KLF12: variants seen among roughly 807,000 people sequenced by gnomAD.
The protein encoded by KLF12 is Krueppel-like factor 12.
KLF12 carries 9 observed loss-of-function variants against 37.8 expected under a neutral mutation model. The observed-to-expected ratio is 0.24, with a 90% CI of 0.14 to 0.42. The LOEUF is 0.42. Ranked by LOEUF, KLF12 falls within the 10% of genes least tolerant of loss-of-function variation. The pLI is 1.00. For synonymous variants in KLF12, 208 were observed against 202.1 expected (o/e 1.03, Z -0.25); for missense variants, 411 against 516.0 (o/e 0.80, Z 1.97).
the KLF12 span, among the ~76,000 whole-genome samples, chr13:74,297,122 T>G: frequency 6.6e-6 from 1 of 152,166 alleles, no homozygotes; most frequent in Non-Finnish European, 1.5e-5. Flanking sequence ...AACTTAGACA[T>G]AGACATTCAG....
chr13:73,952,113 A>C (rs1890668471), intron 2 of KLF12, among the ~76,000 whole-genome samples: 1 of 152,226 alleles, frequency 6.6e-6, no homozygotes, highest in South Asian at 2.1e-4. Flanking sequence ...GCTAAAACAT[A>C]ATGTTCATTG....
At chr13:73,960,829 T>C (rs1390627125) in intron 2 of KLF12, among the ~76,000 whole-genome samples, 1 of 152,192 alleles carries the variant, frequency 6.6e-6, no homozygotes, top group African/African-American at 2.4e-5. Flanking sequence ...GATATGTTTT[T>C]TATGTTCTAG....
the KLF12 span, among the ~76,000 whole-genome samples, chr13:74,291,047 G>A: frequency 1.3e-5 from 2 of 152,186 alleles, no homozygotes; most frequent in Non-Finnish European, 2.9e-5. Context: ...CCAGTGAGCA[G>A]AGCTTTCTTA....
intron 3 of KLF12, among the ~76,000 whole-genome samples, chr13:73,911,784 A>G (rs1214073944): frequency 1.2e-4 from 18 of 152,358 alleles, no homozygotes; most frequent in Admixed American, 2.6e-4. Flanking sequence ...TTCTTTATGT[A>G]CTGAATTATG....
chr13:74,294,969 C>G, the KLF12 span, among the ~76,000 whole-genome samples: 1 of 152,180 alleles, frequency 6.6e-6, no homozygotes, highest in African/African-American at 2.4e-5. Flanking sequence ...CCTGCTGGCT[C>G]CCCTTGCTTA....
intron 1 of KLF12, among the ~76,000 whole-genome samples, chr13:74,018,732 A>C (rs1173692319): frequency 6.6e-6 from 1 of 152,132 alleles, no homozygotes; most frequent in African/African-American, 2.4e-5. Flanking sequence ...TATACAAAAT[A>C]AATCTATATA....
intron 6 of KLF12, among the ~76,000 whole-genome samples, chr13:73,725,889 A>C (rs1013290651): frequency 2.0e-5 from 3 of 146,552 alleles, no homozygotes; most frequent in African/African-American, 7.5e-5. Flanking sequence ...ATTTTTTGAG[A>C]TGGAGTTTCA....
chr13:74,295,012 C>T, the KLF12 span, among the ~76,000 whole-genome samples: 3 of 152,170 alleles, frequency 2.0e-5, no homozygotes, highest in Non-Finnish European at 4.4e-5. Context: ...TGTCCCCTGA[C>T]AAAATTGGGC....
the KLF12 span, among the ~76,000 whole-genome samples, chr13:74,241,682 C>T: frequency 1.3e-5 from 2 of 152,076 alleles, no homozygotes; most frequent in African/African-American, 4.8e-5. Context: ...GTCGGAAAAG[C>T]GCAGTATTCG....
intron 3 of KLF12, among the ~76,000 whole-genome samples, chr13:73,851,655 G>A (rs1413615537): frequency 6.6e-6 from 1 of 152,096 alleles, no homozygotes; most frequent in Non-Finnish European, 1.5e-5. Context: ...CTTATTATGA[G>A]ACAATACAGG....
chr13:74,188,573 T>C, the KLF12 span, among the ~76,000 whole-genome samples: 2 of 152,196 alleles, frequency 1.3e-5, no homozygotes, highest in African/African-American at 2.4e-5. Context: ...TAAGACCTGG[T>C]AAAGTTAACA....
intron 1 of KLF12, among the ~76,000 whole-genome samples, chr13:74,108,653 C>T (rs1417411813): frequency 1.3e-5 from 2 of 152,042 alleles, no homozygotes; most frequent in African/African-American, 4.8e-5. Flanking sequence ...AACACCACTG[C>T]TATATGTATG....
At chr13:73,870,816 T>G (rs563012098) in intron 3 of KLF12, among the ~76,000 whole-genome samples, 1 of 152,356 alleles carries the variant, frequency 6.6e-6, no homozygotes, top group South Asian at 2.1e-4. Flanking sequence ...CTTTCTTCTC[T>G]GGACCAGCCA....
chr13:74,109,806 A>G (rs7996546), intron 1 of KLF12, among the ~76,000 whole-genome samples: 2,196 of 152,314 alleles, frequency 0.014, 50 homozygotes, highest in African/African-American at 0.048. Flanking sequence ...AGCAACTACT[A>G]TCAAGTATCT....
chr13:73,918,737 G>A (rs922544162), intron 3 of KLF12, among the ~76,000 whole-genome samples: 1 of 152,152 alleles, frequency 6.6e-6, no homozygotes, highest in Non-Finnish European at 1.5e-5. Context: ...ACCTGATCTT[G>A]AGTTTGGCTA....
At chr13:74,134,286 CCGAGGGCGGGGG>C (rs1878443448), upstream of KLF12, among the ~76,000 whole-genome samples, 1 of 151,894 alleles carries the variant, frequency 6.6e-6, no homozygotes, top group African/African-American at 2.4e-5. Flanking sequence ...CGGGGTGGGG[CCGAGGGCGGGGG>C]CGGCGGCGGG....
chr13:73,927,601 G>A (rs1023934884), intron 3 of KLF12, among the ~76,000 whole-genome samples: 1 of 151,768 alleles, frequency 6.6e-6, no homozygotes, highest in Non-Finnish European at 1.5e-5. Flanking sequence ...TTTTGAGATC[G>A]AGTCTTGCTC....
At chr13:73,757,332 T>C (rs527311378) in intron 6 of KLF12, among the ~76,000 whole-genome samples, 1 of 152,288 alleles carries the variant, frequency 6.6e-6, no homozygotes, top group South Asian at 2.1e-4. Flanking sequence ...TTTTTATAAA[T>C]ACGTTGCACG....
intron 3 of KLF12, among the ~76,000 whole-genome samples, chr13:73,866,953 G>T (rs1012327899): frequency 5.9e-5 from 9 of 151,946 alleles, no homozygotes; most frequent in Admixed American, 3.3e-4. Flanking sequence ...TAAGTAAAAG[G>T]ATTAAACTAT....
Sources: allele counts gnomAD v4.1 joint callset (sites outside exome capture counted in the v4.1 genomes callset), GRCh38; gene constraint gnomAD v4.1.1; transcripts MANE v1.5; gene names NCBI Gene and HGNC (gene_info 2026-07-23, HGNC 2026-07-21).